Variants in DYM observed in about 807,000 individuals in gnomAD.
DYM encodes dyggve-Melchior-Clausen syndrome protein.
Under a neutral mutation model 93.1 loss-of-function variants are expected in DYM, and 78 were observed. The observed-to-expected ratio is 0.84, with a 90% CI of 0.70 to 1.01. The LOEUF is 1.01. Ranked by LOEUF, DYM falls within the 50% of genes least tolerant of loss-of-function variation. DYM has a pLI of 0.00. For synonymous variants in DYM, 321 were observed against 319.7 expected, an observed-to-expected ratio of 1.00 and a Z score of -0.04; for missense variants, 789 against 845.0, an observed-to-expected ratio of 0.93 and a Z score of 0.82.
chr18:49,110,201 G>C (rs1487610256), intron 16 of DYM, among the ~76,000 whole-genome samples: 5 of 152,150 alleles, frequency 3.3e-5, no homozygotes. Context: ...TTTACAATCT[G>C]CTCACTTACA....
At chr18:49,369,292 C>G (rs187942505) in intron 5 of DYM, among the ~76,000 whole-genome samples, 47 of 152,296 alleles carry the variant, frequency 3.1e-4, no homozygotes, top group African/African-American at 1.1e-3. Context: ...CCTGAGAGTT[C>G]ATTCAGGAGA....
intron 17 of DYM, among the ~76,000 whole-genome samples, chr18:49,080,721 CA>C (rs2077881654): frequency 6.8e-6 from 1 of 146,894 alleles, no homozygotes; most frequent in African/African-American, 2.5e-5. Flanking sequence ...GGCTGCCGGG[CA>C]GAGGGGCTCC....
At chr18:49,121,107 C>T (rs1383626032) in intron 15 of DYM, among the ~76,000 whole-genome samples, 1 of 152,128 alleles carries the variant, frequency 6.6e-6, no homozygotes, top group East Asian at 1.9e-4. Context: ...ATAAAACATT[C>T]TGAAAATATC....
intron 6 of DYM, among the ~76,000 whole-genome samples, chr18:49,362,351 C>G (rs1042354838): frequency 6.6e-6 from 1 of 152,080 alleles, no homozygotes; most frequent in Non-Finnish European, 1.5e-5. Flanking sequence ...TTTTTAAAAG[C>G]AACAAATGAG....
At position 49,292,028 on chromosome 18, in the gene DYM, A is replaced by G. The variant is rs370013102; in HGVS notation, c.764-5412T>C. ...ATGAGAAACACAATTACAAAGTTCA[A>G]TCTGCAACAAAAATAATCACAACAT... On this transcript the variant is annotated intron_variant, in intron 8 of 17. Transcript: ENST00000675505. Among the ~76,000 whole-genome samples the G allele has an allele frequency of 4.5e-4, 69 of 152,316 alleles. 1 individual carries two copies. In the South Asian group the frequency reaches 0.013, roughly 29 times the overall value.
rs566820627 is a variant in DYM, at chr18:49,344,706, A to G, written c.495-10853T>C. ...GGACAACTGTATAACCTTTTGGGGA[A>G]AAAAAAAAAGACCTGAATCCATACC... is the stretch of plus-strand genomic sequence containing the variant. On this transcript the variant is annotated intron_variant, in intron 6 of 17. Coordinates refer to ENST00000675505, the MANE Select transcript of DYM (RefSeq NM_001353214.3). Among the ~76,000 whole-genome samples, 13 of 146,592 alleles carry G rather than the reference A, an allele frequency of 8.9e-5. No homozygotes were observed. The East Asian group carries it at 1.2e-3, about 13-fold the overall frequency.
Position 49,259,985 on chromosome 18 carries a change from A to AT in DYM, c.1252-1493dup, listed in dbSNP as rs917763741. Reference sequence around the variant, plus strand: ...AAGAGAGAGGATTTAGGAAGCTGGAATTTTTTAAAAAAATTCTGATTAGTA... The same window carrying AT: ...AAGAGAGAGGATTTAGGAAGCTGGAATTTTTTTAAAAAAATTCTGATTAGTA... On this transcript the variant is annotated intron_variant, in intron 11 of 17. Coordinates refer to ENST00000675505, the MANE Select transcript of DYM (RefSeq NM_001353214.3). Among the ~76,000 whole-genome samples, 258 of 152,342 alleles carry AT rather than the reference A, an allele frequency of 1.7e-3. 3 individuals carry two copies. The highest frequency in any genetic ancestry group is 5.5e-3 in the African/African-American group (230 of 41,578).
At chr18:49,418,567 C>T (rs935954512) in intron 2 of DYM, among the ~76,000 whole-genome samples, 14 of 152,184 alleles carry the variant, frequency 9.2e-5, no homozygotes, top group East Asian at 5.8e-4. Flanking sequence ...GGATTAGATT[C>T]GTCCTAAAGG....
intron 13 of DYM, among the ~76,000 whole-genome samples, chr18:49,232,200 CA>C (rs1347360692): frequency 6.6e-6 from 1 of 152,158 alleles, no homozygotes; most frequent in East Asian, 1.9e-4. Context: ...TTGCTCCCCC[CA>C]CTTTCCATAT....
In DYM at chr18:49,282,118, AAACTAT is replaced by A. The variant is rs2094997853; in HGVS notation, c.998_1003del (p.Asn333_Leu335delinsMet). The stretch of plus-strand genomic sequence containing the variant: ...CTGCTGTTCACAAAGAGCTGTGTAC[AAACTAT>A]TAAAGTTGATCTGGAAGGCATGTGG... On this transcript the variant is annotated inframe_deletion, in exon 10 of 18. Coordinates refer to ENST00000675505, the MANE Select transcript of DYM (RefSeq NM_001353214.3). 1 of 1,613,940 alleles carries A rather than the reference AAACTAT, an allele frequency of 6.2e-7. No individual in the cohort carries two copies. The highest frequency in any genetic ancestry group is 1.3e-5 in the African/African-American group (1 of 74,924).
intron 14 of DYM, among the ~76,000 whole-genome samples, chr18:49,200,746 C>T (rs1024125321): frequency 6.6e-6 from 1 of 151,832 alleles, no homozygotes; most frequent in Non-Finnish European, 1.5e-5. Flanking sequence ...TTTTAATTGA[C>T]AAAAATTATA....
intron 5 of DYM, among the ~76,000 whole-genome samples, chr18:49,375,306 TAC>T (rs1003014259): frequency 1.1e-4 from 17 of 151,464 alleles, no homozygotes; most frequent in African/African-American, 3.9e-4. Context: ...TATGTATATA[TAC>T]ACACACACAT....
chr18:49,256,311 C>T (rs1461707326), intron 13 of DYM, among the ~76,000 whole-genome samples: 4 of 152,082 alleles, frequency 2.6e-5, no homozygotes, highest in Non-Finnish European at 5.9e-5. Flanking sequence ...GAGTCCTCAA[C>T]ATGGAAGAGG....
intron 8 of DYM, among the ~76,000 whole-genome samples, chr18:49,300,036 C>T (rs761670311): frequency 7.1e-5 from 10 of 139,894 alleles, no homozygotes; most frequent in South Asian, 6.6e-4. Flanking sequence ...AGTGAGACTC[C>T]GTCTCGAGAA....
intron 11 of DYM, among the ~76,000 whole-genome samples, chr18:49,268,057 A>C (rs1472013794): frequency 6.6e-6 from 1 of 152,242 alleles, no homozygotes; most frequent in Non-Finnish European, 1.5e-5. Flanking sequence ...CAATTATTTC[A>C]AAATAAAAAA....
intron 15 of DYM, among the ~76,000 whole-genome samples, chr18:49,133,635 T>C (rs1284502067): frequency 1.3e-5 from 2 of 152,220 alleles, no homozygotes; most frequent in South Asian, 2.1e-4. Context: ...CCCCATCACA[T>C]TGCCTCCTTC....
chr18:49,286,105 T>G (rs1278114704), intron 9 of DYM, among the ~76,000 whole-genome samples: 2 of 152,206 alleles, frequency 1.3e-5, no homozygotes, highest in Non-Finnish European at 1.5e-5. Flanking sequence ...GAACACAGAC[T>G]TTAACTGAAA....
At chr18:49,407,887 T>C (rs951551048) in intron 2 of DYM, among the ~76,000 whole-genome samples, 15 of 152,190 alleles carry the variant, frequency 9.9e-5, no homozygotes, top group Non-Finnish European at 2.2e-4. Context: ...AACCACCCTG[T>C]ACATTTTTGC....
intron 16 of DYM, chr18:49,116,614 G>T (rs1421227361): frequency 6.6e-6 from 1 of 152,206 alleles, no homozygotes; most frequent in Admixed American, 6.5e-5. Flanking sequence ...TTGAGTTCCA[G>T]ATAGTTTCTT....
Sources: gnomAD v4.1 joint callset for allele counts (sites outside exome capture counted in the v4.1 genomes callset) on GRCh38, gnomAD v4.1.1 for gene constraint, MANE v1.5 for transcripts, NCBI Gene and HGNC (gene_info 2026-07-23, HGNC 2026-07-21) for gene names.